The following SLC24A3 variants were observed in gnomAD, a reference collection of about 807,000 sequenced individuals.
SLC24A3 encodes sodium/potassium/calcium exchanger 3.
Under a neutral mutation model 75.8 loss-of-function variants are expected in SLC24A3, and 28 were observed. That is an observed-to-expected ratio of 0.37 (90% CI 0.27 to 0.51). The LOEUF (loss-of-function observed/expected upper bound fraction) is 0.51. Among genes scored for constraint, SLC24A3 ranks in the 20% least tolerant of loss-of-function variants. The pLI is 0.94. For synonymous variants in SLC24A3, 372 were observed against 334.1 expected (o/e 1.11, Z -1.24); for missense variants, 663 against 847.8 (o/e 0.78, Z 2.71).
At chr20:19,374,137 T>C (rs1479314055) in intron 2 of SLC24A3, among the ~76,000 whole-genome samples, 1 of 152,160 alleles carries the variant, frequency 6.6e-6, no homozygotes, top group Non-Finnish European at 1.5e-5. Context: ...GTTTATCCTG[T>C]GGTCTAAGGG....
chr20:19,459,619 T>G (rs966634601), intron 2 of SLC24A3, among the ~76,000 whole-genome samples: 1 of 152,222 alleles, frequency 6.6e-6, no homozygotes, highest in Non-Finnish European at 1.5e-5. Context: ...GAGTGGTTGT[T>G]CCTCCATCCA....
chr20:19,364,576 TC>T (rs1272085332), intron 2 of SLC24A3, among the ~76,000 whole-genome samples: 1 of 152,140 alleles, frequency 6.6e-6, no homozygotes, highest in African/African-American at 2.4e-5. Context: ...TACTTCAGCC[TC>T]CCGAGTAGCT....
At chr20:19,668,273 T>C (rs868311939) in intron 8 of SLC24A3, among the ~76,000 whole-genome samples, 79 of 152,330 alleles carry the variant, frequency 5.2e-4, no homozygotes, top group African/African-American at 1.6e-3. Flanking sequence ...ATTTAATGGA[T>C]GAAAAATAAT....
chr20:19,633,694 G>C (rs2031966214), intron 6 of SLC24A3, among the ~76,000 whole-genome samples: 1 of 151,256 alleles, frequency 6.6e-6, no homozygotes, highest in Admixed American at 6.6e-5. Flanking sequence ...ATTGGATTAG[G>C]GTCCACCTAA....
At chr20:19,266,780 A>G (rs1015204090) in intron 1 of SLC24A3, among the ~76,000 whole-genome samples, 1 of 152,242 alleles carries the variant, frequency 6.6e-6, no homozygotes, top group Non-Finnish European at 1.5e-5. Flanking sequence ...GAGGCAAGGC[A>G]TATGTACAGC....
chr20:19,681,976 G>T lies in SLC24A3; in HGVS notation c.886G>T (p.Val296Leu). The T allele has an allele frequency of 6.2e-6, 10 of 1,614,074 alleles. No homozygotes were observed. Among genetic ancestry groups the T allele is most frequent in the Non-Finnish European group, 8.5e-6 (10 of 1,180,028 alleles). ...DDSSNCDATV[V>L]LLKKANFHRK... is the part of the protein sequence containing the mutation. ...CAGCAGCAACTGCGACGCAACTGTGGTGCTACTTAAGAAAGGTAACCAAGG... is the reference window on the plus strand; with the variant it reads ...CAGCAGCAACTGCGACGCAACTGTGTTGCTACTTAAGAAAGGTAACCAAGG... Residue 296 changes from valine to leucine, a missense_variant, in exon 10 of 17, where the codon GTG becomes TTG. Physicochemically the swap from Val to Leu is conservative, Grantham distance 32. Around this residue, in one of 2 missense-constraint regions of SLC24A3, gnomAD observed 510 missense variants for 703.6 expected, o/e 0.72. Transcript: ENST00000328041.
At chr20:19,235,808 C>A (rs191429473) in intron 1 of SLC24A3, among the ~76,000 whole-genome samples, 60 of 152,314 alleles carry the variant, frequency 3.9e-4, no homozygotes, top group African/African-American at 1.4e-3. Flanking sequence ...CTACAAGGTG[C>A]AACTGAGCCC....
At chr20:19,329,059 A>G (rs769463555) in intron 2 of SLC24A3, among the ~76,000 whole-genome samples, 3 of 152,174 alleles carry the variant, frequency 2.0e-5, no homozygotes, top group Non-Finnish European at 4.4e-5. Flanking sequence ...GCCATTAGTG[A>G]CATGGACAGG....
chr20:19,224,338 C>T (rs930097700), intron 1 of SLC24A3, among the ~76,000 whole-genome samples: 2 of 152,086 alleles, frequency 1.3e-5, no homozygotes, highest in African/African-American at 2.4e-5. Context: ...AAAAGTATAA[C>T]GTCAAGAATT....
At chr20:19,498,678 G>A (rs1383792177) in intron 2 of SLC24A3, among the ~76,000 whole-genome samples, 1 of 152,102 alleles carries the variant, frequency 6.6e-6, no homozygotes, top group African/African-American at 2.4e-5. Flanking sequence ...ATAAATAGTG[G>A]CAGATTGCAT....
At chr20:19,571,102 A>G (rs2031044949) in intron 3 of SLC24A3, among the ~76,000 whole-genome samples, 1 of 151,952 alleles carries the variant, frequency 6.6e-6, no homozygotes, top group Non-Finnish European at 1.5e-5. Context: ...CCTGGGTTCA[A>G]ATCCTGCCTC....
At chr20:19,571,615 A>G (rs1186238573) in intron 3 of SLC24A3, among the ~76,000 whole-genome samples, 1 of 152,202 alleles carries the variant, frequency 6.6e-6, no homozygotes, top group Admixed American at 6.5e-5. Flanking sequence ...TCAAGGACAC[A>G]TCTGGGCACC....
At position 19,450,205 on chromosome 20, in the gene SLC24A3, T is replaced by C. The variant is rs1987456382; in HGVS notation, c.272-65283T>C. Among the ~76,000 whole-genome samples the C allele has an allele frequency of 3.9e-5, 6 of 152,294 alleles. No individual in the cohort carries two copies. The South Asian group carries it at 1.2e-3, about 32-fold the overall frequency. On this transcript the variant is annotated intron_variant, in intron 2 of 16. Transcript: ENST00000328041. The stretch of plus-strand genomic sequence containing the variant: ...TTAGGTGAGAAAGCTTCAGACAACA[T>C]GATGGCAGTCCTCTCCACAGACAGT...
chr20:19,690,146 T>C (rs1246856127), intron 12 of SLC24A3, among the ~76,000 whole-genome samples: 1 of 152,188 alleles, frequency 6.6e-6, no homozygotes, highest in African/African-American at 2.4e-5. Flanking sequence ...ATTTGTTATA[T>C]TTGCTGCATT....
chr20:19,487,649 T>C (rs1207980689), intron 2 of SLC24A3, among the ~76,000 whole-genome samples: 1 of 152,140 alleles, frequency 6.6e-6, no homozygotes, highest in Non-Finnish European at 1.5e-5. Context: ...CTAGATGATA[T>C]CAAGAAATTC....
chr20:19,263,380 G>A (rs905868675), intron 1 of SLC24A3, among the ~76,000 whole-genome samples: 2 of 152,302 alleles, frequency 1.3e-5, no homozygotes, highest in East Asian at 3.9e-4. Context: ...AAGGGGGGAC[G>A]TTATTGGAAG....
chr20:19,309,920 T>C (rs568657052), intron 2 of SLC24A3, among the ~76,000 whole-genome samples: 17 of 152,260 alleles, frequency 1.1e-4, no homozygotes, highest in South Asian at 4.2e-4. Context: ...CTCTGGGTCA[T>C]TGGGACAGGT....
intron 6 of SLC24A3, among the ~76,000 whole-genome samples, chr20:19,604,451 G>A (rs1197668890): frequency 2.6e-5 from 4 of 152,242 alleles, no homozygotes; most frequent in African/African-American, 9.6e-5. Flanking sequence ...TGATGCTGGA[G>A]AGCAGGGTCC....
intron 2 of SLC24A3, among the ~76,000 whole-genome samples, chr20:19,514,238 C>T (rs755391064): frequency 2.0e-5 from 3 of 152,230 alleles, no homozygotes; most frequent in South Asian, 2.1e-4. Flanking sequence ...CACTCCTTAG[C>T]AGCACTGTCT....
Sources: allele counts gnomAD v4.1 joint callset (sites outside exome capture counted in the v4.1 genomes callset), GRCh38; gene constraint gnomAD v4.1.1; regional missense constraint gnomAD v4.1.1; transcripts MANE v1.5; gene names NCBI Gene and HGNC (gene_info 2026-07-23, HGNC 2026-07-21).